KDM1A: variants seen among roughly 807,000 people sequenced by gnomAD.
The protein encoded by KDM1A is lysine demethylase 1A.
Under a neutral mutation model 109.4 loss-of-function variants are expected in KDM1A, and 49 were observed. That is an observed-to-expected ratio of 0.45 (90% CI 0.36 to 0.57). The LOEUF (loss-of-function observed/expected upper bound fraction) is 0.57. Among genes scored for constraint, KDM1A ranks in the 20% least tolerant of loss-of-function variants. KDM1A has a pLI of 0.00. For missense variants in KDM1A, 668 were observed against 1,116.6 expected (o/e 0.60, Z 5.73); for synonymous variants, 380 against 415.4 (o/e 0.91, Z 1.04).
At chr1:23,065,953 A>G (rs1019698683) in intron 9 of KDM1A, 107 bp from the exon 10 acceptor site, 13 of 1,497,040 alleles carry the variant, frequency 8.7e-6, no homozygotes, top group East Asian at 2.4e-5. Context: ...CTGTCATGCT[A>G]TGTGTTTAAA....
In KDM1A at chr1:23,063,197, G is replaced by GGGT. The variant is rs374128181; in HGVS notation, c.1168-2861_1168-2860insTGG. On this transcript the variant is annotated intron_variant, in intron 9 of 20. Coordinates refer to ENST00000400181, the MANE Select transcript of KDM1A (RefSeq NM_001009999.3). ...CAAATTCCCACAGTGCTGTAGCATTGGGGGGGGGGTGTGGTGTGGGGTGGG... is the reference window on the plus strand; with the variant it reads ...CAAATTCCCACAGTGCTGTAGCATTGGGTGGGGGGGGGTGTGGTGTGGGGTGGG... Among the ~76,000 whole-genome samples, 2 of 11,406 alleles carry GGGT rather than the reference G, an allele frequency of 1.8e-4. 1 individual carries two copies. The highest frequency in any genetic ancestry group is 4.5e-4 in the Non-Finnish European group (2 of 4,408). 7.5% of individuals were successfully genotyped at this position (11,406 alleles called of 152,430 possible). A position where few individuals can be genotyped will look rare whatever the true frequency, so the allele number is the denominator to read the frequency against.
chr1:23,046,907 A>G (rs1642518102), intron 3 of KDM1A, among the ~76,000 whole-genome samples: 1 of 152,228 alleles, frequency 6.6e-6, no homozygotes, highest in Admixed American at 6.5e-5. Context: ...CGTTTTGGAA[A>G]CATTCTAAAT....
intron 16 of KDM1A, 21 bp from the exon 17 acceptor site, chr1:23,078,969 T>C: frequency 6.2e-7 from 1 of 1,606,098 alleles, no homozygotes; most frequent in Non-Finnish European, 8.5e-7. Context: ...CCACTAGTCT[T>C]TTCCCACCCA....
chr1:23,037,489 T>C (rs2124402358), intron 2 of KDM1A, among the ~76,000 whole-genome samples: 1 of 152,248 alleles, frequency 6.6e-6, no homozygotes, highest in East Asian at 1.9e-4. Flanking sequence ...TATAAATACA[T>C]TGCAGAATGA....
At chr1:23,072,682 G>T (rs1258860555) in intron 14 of KDM1A, among the ~76,000 whole-genome samples, 1 of 152,146 alleles carries the variant, frequency 6.6e-6, no homozygotes, top group Non-Finnish European at 1.5e-5. Context: ...TCTCGCTCTT[G>T]TTGCCCAGGC....
Position 23,083,246 on chromosome 1 carries a change from C to G in KDM1A, c.2513C>G (p.Ala838Gly), listed in dbSNP as rs1430092695. The part of the protein sequence containing the change: ...IRNYPATVHG[A>G]LLSGLREAGR... ...AACTACCCAGCCACAGTGCATGGTG[C>G]TCTGCTGAGTGGGCTGCGAGAAGCG... The change falls in exon 21 of 21, where the codon GCT becomes GGT. Residue 838 changes from alanine to glycine, a missense_variant. Physicochemically the swap from Ala to Gly is moderately conservative, Grantham distance 60. Around this residue, in one of 8 missense-constraint regions of KDM1A, gnomAD observed 69 missense variants for 99.6 expected, o/e 0.69. Transcript: ENST00000400181. 1 of 1,613,864 alleles carries G rather than the reference C, an allele frequency of 6.2e-7. No individual in the cohort carries two copies. Among genetic ancestry groups the G allele is most frequent in the Non-Finnish European group, 8.5e-7 (1 of 1,179,986 alleles).
intron 15 of KDM1A, among the ~76,000 whole-genome samples, chr1:23,076,388 C>G (rs879601325): frequency 6.6e-6 from 1 of 151,956 alleles, no homozygotes; most frequent in Non-Finnish European, 1.5e-5. Flanking sequence ...CTTTATGGTC[C>G]TAGATTACCT....
intron 2 of KDM1A, among the ~76,000 whole-genome samples, chr1:23,040,807 A>G (rs1200946669): frequency 6.6e-6 from 1 of 151,920 alleles, no homozygotes; most frequent in East Asian, 1.9e-4. Context: ...TTAAAAAATT[A>G]AAAAGAGTCT....
intron 2 of KDM1A, among the ~76,000 whole-genome samples, chr1:23,044,059 A>G (rs1203444387): frequency 3.3e-5 from 5 of 152,212 alleles, no homozygotes; most frequent in Non-Finnish European, 7.3e-5. Flanking sequence ...GCCAGATTCT[A>G]GAGTCTATGT....
chr1:23,082,064 T>C (rs1643635664), intron 19 of KDM1A, 156 bp from the exon 20 acceptor site: 1 of 712,200 alleles, frequency 1.4e-6, no homozygotes, highest in East Asian at 2.8e-5. Context: ...TCCATGTGTG[T>C]TTTAAAGCAG....
In KDM1A at chr1:23,037,285, T is replaced by C. The variant is rs953244725; in HGVS notation, c.517+6651T>C. ...TACCACTGCACTCCAGCCTGGGTGA[T>C]AGAGTGAGACCCTGTCTCAAAAAAA... On this transcript the variant is annotated intron_variant, in intron 2 of 20. Transcript: ENST00000400181. Among the ~76,000 whole-genome samples, 7 of 137,420 alleles carry C rather than the reference T, an allele frequency of 5.1e-5. No homozygotes were observed. In the East Asian group the frequency reaches 1.1e-3, roughly 21 times the overall value. 90.2% of individuals were successfully genotyped at this position (137,420 alleles called of 152,430 possible). A position where few individuals can be genotyped will look rare whatever the true frequency, so the allele number is the denominator to read the frequency against.
chr1:23,042,451 T>TTTTTA (rs1642371467), intron 2 of KDM1A, among the ~76,000 whole-genome samples: 1 of 102,814 alleles, frequency 9.7e-6, no homozygotes, highest in African/African-American at 3.6e-5. Flanking sequence ...TTTTTTTTTT[T>TTTTTA]TTTTTTTTTT....
At position 23,083,235 on chromosome 1, in the gene KDM1A, A is replaced by G. The variant is rs766359070; in HGVS notation, c.2502A>G (p.Thr834=). The part of the protein sequence containing the change: ...GEHTIRNYPA[T]VHGALLSGLR... ...ATACGATCCGTAACTACCCAGCCAC[A>G]GTGCATGGTGCTCTGCTGAGTGGGC... Residue 834 remains threonine, a synonymous_variant, in exon 21 of 21, where the codon ACA becomes ACG. Coordinates refer to ENST00000400181, the MANE Select transcript of KDM1A (RefSeq NM_001009999.3). The G allele has an allele frequency of 6.2e-7, 1 of 1,613,930 alleles. No individual in the cohort carries two copies. The highest frequency in any genetic ancestry group is 8.5e-7 in the Non-Finnish European group (1 of 1,179,960).
At chr1:23,061,566 T>C (rs1416391771) in intron 9 of KDM1A, among the ~76,000 whole-genome samples, 3 of 152,172 alleles carry the variant, frequency 2.0e-5, no homozygotes, top group Non-Finnish European at 4.4e-5. Context: ...TTGCCTTAGT[T>C]AATCAAACAT....
At chr1:23,063,503 T>G (rs1223469278) in intron 9 of KDM1A, among the ~76,000 whole-genome samples, 2 of 152,190 alleles carry the variant, frequency 1.3e-5, no homozygotes, top group Non-Finnish European at 2.9e-5. Context: ...TCTGTTGGCC[T>G]TCTTGGTTTT....
At chr1:23,025,539 A>G (rs922066056) in intron 1 of KDM1A, among the ~76,000 whole-genome samples, 12 of 152,090 alleles carry the variant, frequency 7.9e-5, no homozygotes, top group Non-Finnish European at 1.6e-4. Context: ...CATGTTGGTA[A>G]GGCTGGTCTA....
At position 23,068,580 on chromosome 1, in the gene KDM1A, C is replaced by T; in HGVS notation, c.1221C>T (p.Asn407=). ...EKDEMVEQEF[N]RLLEATSYLS... ...ATGAAATGGTAGAGCAAGAGTTTAA[C>T]CGGTTGCTAGAAGCTACATCTTACC... Residue 407 remains asparagine, a synonymous_variant, in exon 11 of 21, where the codon AAC becomes AAT. Transcript: ENST00000400181. The T allele has an allele frequency of 6.2e-7, 1 of 1,605,250 alleles. No homozygotes were observed.
At chr1:23,023,090 G>A (rs991046775) in intron 1 of KDM1A, among the ~76,000 whole-genome samples, 9 of 152,130 alleles carry the variant, frequency 5.9e-5, no homozygotes, top group African/African-American at 1.9e-4. Context: ...CTTTTCATGT[G>A]TTTATTAGCC....
chr1:23,029,613 G>T lies in KDM1A; in HGVS notation c.352-856G>T, dbSNP rs140683139. Among the ~76,000 whole-genome samples the T allele has an allele frequency of 2.6e-5, 4 of 152,000 alleles. No homozygotes were observed. The East Asian group carries it at 7.7e-4, about 29-fold the overall frequency. On this transcript the variant is annotated intron_variant, in intron 1 of 20. Transcript: ENST00000400181. ...TAAGACCTGTATCCTCCATTTCCACGTCACTTATTCCTTAATTTATCTTAT... is the reference window on the plus strand; with the variant it reads ...TAAGACCTGTATCCTCCATTTCCACTTCACTTATTCCTTAATTTATCTTAT...
Sources: allele counts gnomAD v4.1 joint callset (sites outside exome capture counted in the v4.1 genomes callset), GRCh38; gene constraint gnomAD v4.1.1; regional missense constraint gnomAD v4.1.1; transcripts MANE v1.5; gene names NCBI Gene and HGNC (gene_info 2026-07-23, HGNC 2026-07-21).